The following GALNT14 variants were observed in gnomAD, a reference collection of about 807,000 sequenced individuals.
GALNT14 encodes polypeptide N-acetylgalactosaminyltransferase 14, also known as UDP-GalNAc:polypeptide N-acetylgalactosaminyltransferase 14.
GALNT14 carries 60 observed loss-of-function variants against 77.5 expected under a neutral mutation model. That is an observed-to-expected ratio of 0.77 (90% confidence interval 0.63 to 0.96). The LOEUF is 0.96. Ranked by LOEUF, GALNT14 falls within the 40% of genes least tolerant of loss-of-function variation. The pLI, the probability that GALNT14 is intolerant of heterozygous loss-of-function variation, is 0.00. For missense variants in GALNT14, 710 were observed against 731.0 expected, an observed-to-expected ratio of 0.97 and a Z score of 0.33; for synonymous variants, 280 against 281.7, an observed-to-expected ratio of 0.99 and a Z score of 0.06.
At chr2:31,103,600 G>A (rs1166941662) in intron 1 of GALNT14, among the ~76,000 whole-genome samples, 1 of 152,014 alleles carries the variant, frequency 6.6e-6, no homozygotes, top group Admixed American at 6.6e-5. Context: ...CTTTCTAAGT[G>A]TCTACCATTT....
At chr2:30,966,170 A>C in intron 3 of GALNT14, 34 bp downstream of exon 3, 8 of 1,557,190 alleles carry the variant, frequency 5.1e-6, no homozygotes, top group Non-Finnish European at 7.1e-6. Context: ...GTGCTGGCCC[A>C]GAGCTGGCCA....
At position 31,032,673 on chromosome 2, in the gene GALNT14, C is replaced by A. The variant is rs569373123; in HGVS notation, c.130-39666G>T. On this transcript the variant is annotated intron_variant, in intron 1 of 14. Coordinates refer to ENST00000349752, the MANE Select transcript of GALNT14 (RefSeq NM_024572.4). ...GAGATTATTTCCCAATCCCCACATA[C>A]CCCCTCTTTCCCAGCACAGGAAGTC... Among the ~76,000 whole-genome samples, 10 of 152,228 alleles carry A rather than the reference C, an allele frequency of 6.6e-5. No individual in the cohort carries two copies. The South Asian group carries it at 1.9e-3, about 28-fold the overall frequency.
chr2:30,963,445 T>C (rs937867551), intron 3 of GALNT14, among the ~76,000 whole-genome samples: 34 of 152,160 alleles, frequency 2.2e-4, no homozygotes, highest in Middle Eastern at 6.3e-3. Context: ...TTATTAAGTA[T>C]CATTAATACC....
In GALNT14 at chr2:31,071,546, GC is replaced by G. The variant is rs534403739; in HGVS notation, c.129+66411del. 3.5e-3 allele frequency among the ~76,000 whole-genome samples: 530 copies of G among 152,096 alleles called. 2 individuals carry two copies. The highest frequency in any genetic ancestry group is 4.4e-3 in the Non-Finnish European group (300 of 67,968). On this transcript the variant is annotated intron_variant, in intron 1 of 14. Transcript: ENST00000349752. The stretch of plus-strand genomic sequence containing the variant: ...AGACAGACAGGCAGGGCTCCACACA[GC>G]CAGACCCAAAGTGGTGGAGGCACTG...
chr2:30,968,727 A>G (rs1006092037), intron 2 of GALNT14, among the ~76,000 whole-genome samples: 2 of 152,262 alleles, frequency 1.3e-5, no homozygotes, highest in African/African-American at 4.8e-5. Context: ...CCTGACCCAC[A>G]GACACTGTGA....
At position 30,924,813 on chromosome 2, in the gene GALNT14, T is replaced by G; in HGVS notation, c.1162A>C (p.Arg388=). 6.2e-7 allele frequency: 1 copy of G among 1,613,796 alleles called. No homozygotes were observed. Among genetic ancestry groups the G allele is most frequent in the Non-Finnish European group, 8.5e-7 (1 of 1,179,940 alleles). The change falls in exon 12 of 15, where the codon AGA becomes CGA. Residue 388 remains arginine (R), a synonymous_variant. Transcript: ENST00000349752. The part of the protein sequence containing the change: ...LERPFGNVES[R]LDLRKNLRCQ... ...CGCAGATTCTTCCTCAGGTCCAATC[T>G]GCTCTCAACACTGGGGGCAACGGGG...
intron 1 of GALNT14, among the ~76,000 whole-genome samples, chr2:31,110,545 C>A (rs1677782768): frequency 6.6e-6 from 1 of 152,150 alleles, no homozygotes; most frequent in South Asian, 2.1e-4. Context: ...ACTTAGAGCA[C>A]TAGGGAAGAG....
At chr2:31,001,864 T>C (rs1215644337) in intron 1 of GALNT14, among the ~76,000 whole-genome samples, 1 of 151,614 alleles carries the variant, frequency 6.6e-6, no homozygotes, top group African/African-American at 2.4e-5. Flanking sequence ...AAATAAAATA[T>C]GGAATAAAAA....
At chr2:31,032,898 T>A (rs555089984) in intron 1 of GALNT14, among the ~76,000 whole-genome samples, 1 of 152,036 alleles carries the variant, frequency 6.6e-6, no homozygotes, top group Non-Finnish European at 1.5e-5. Context: ...GCTGGGAAGG[T>A]TGCATGCCAT....
intron 1 of GALNT14, among the ~76,000 whole-genome samples, chr2:31,124,339 A>G (rs1409836448): frequency 6.6e-6 from 1 of 152,154 alleles, no homozygotes; most frequent in Admixed American, 6.5e-5. Context: ...TTCTCTTTTG[A>G]GTCAAAGTGG....
intron 1 of GALNT14, among the ~76,000 whole-genome samples, chr2:31,037,003 T>C (rs556055373): frequency 2.0e-5 from 3 of 152,334 alleles, no homozygotes; most frequent in Admixed American, 2.0e-4. Flanking sequence ...TCTGTTGAAC[T>C]TCTTCTATAT....
intron 9 of GALNT14, among the ~76,000 whole-genome samples, chr2:30,933,018 T>C (rs1279478811): frequency 2.0e-5 from 3 of 152,038 alleles, no homozygotes; most frequent in African/African-American, 7.3e-5. Context: ...GTGGTGAGTG[T>C]ATTTCTCCCC....
At chr2:31,096,223 G>T (rs756562278) in intron 1 of GALNT14, among the ~76,000 whole-genome samples, 1 of 152,132 alleles carries the variant, frequency 6.6e-6, no homozygotes, top group African/African-American at 2.4e-5. Flanking sequence ...TTTAAGATCA[G>T]CTAACTAGCA....
rs1664327632 is a variant in GALNT14, at chr2:30,911,025, A to G, written c.1535T>C (p.Ile512Thr). Residue 512 changes from isoleucine (I) to threonine (T), a missense_variant, in exon 15 of 15, where the codon ATA becomes ACA. Physicochemically the swap from Ile to Thr is moderately conservative, Grantham distance 89. Transcript: ENST00000349752. ...WTKTGSHIEH[I>T]ASHLCLDTDM... The stretch of plus-strand genomic sequence containing the variant: ...TGTATCGAGGCAGAGGTGGGATGCT[A>G]TGTGCTCGATGTGGGAACCAGTTTT... The G allele has an allele frequency of 1.2e-6, 2 of 1,613,910 alleles. No individual in the cohort carries two copies. The highest frequency in any genetic ancestry group is 1.7e-6 in the Non-Finnish European group (2 of 1,179,980).
Position 31,138,181 on chromosome 2 carries a change from G to C in GALNT14, c.-95C>G. On this transcript the variant is annotated 5_prime_UTR_variant, in exon 1 of 15. Coordinates refer to ENST00000349752, the MANE Select transcript of GALNT14 (RefSeq NM_024572.4). ...GGGCAGGAGTCCTGGCGAGCGCCTC[G>C]CTCTGGGGAGCTCTAGACCCAGGAT... The C allele has an allele frequency of 6.8e-7, 1 of 1,478,870 alleles. No individual in the cohort carries two copies. Among genetic ancestry groups the C allele is most frequent in the Non-Finnish European group, 9.3e-7 (1 of 1,073,974 alleles). 91.6% of individuals were successfully genotyped at this position (1,478,870 alleles called of 1,614,324 possible).
chr2:30,945,663 T>C (rs1666648649), intron 7 of GALNT14, 120 bp downstream of exon 7: 3 of 776,622 alleles, frequency 3.9e-6, no homozygotes, highest in Middle Eastern at 2.5e-4. Flanking sequence ...ATAGTGCAGG[T>C]TGCAGGCTGA....
chr2:31,000,610 C>T (rs1670311210), intron 1 of GALNT14, among the ~76,000 whole-genome samples: 2 of 152,140 alleles, frequency 1.3e-5, no homozygotes, highest in African/African-American at 4.8e-5. Flanking sequence ...CAGTTGAAGT[C>T]CTAAGGTGGT....
chr2:31,067,576 G>A (rs1044099572), intron 1 of GALNT14, among the ~76,000 whole-genome samples: 2 of 152,148 alleles, frequency 1.3e-5, no homozygotes, highest in South Asian at 2.1e-4. Flanking sequence ...CTCTGCCCAT[G>A]GTAGCTCCAT....
At chr2:31,103,257 T>C (rs545909037) in intron 1 of GALNT14, among the ~76,000 whole-genome samples, 6 of 152,242 alleles carry the variant, frequency 3.9e-5, no homozygotes, top group Admixed American at 3.9e-4. Context: ...AGTGGTAACA[T>C]TCGTAATTAC....
Sources: allele counts gnomAD v4.1 joint callset (sites outside exome capture counted in the v4.1 genomes callset), GRCh38; gene constraint gnomAD v4.1.1; transcripts MANE v1.5; gene names NCBI Gene and HGNC (gene_info 2026-07-23, HGNC 2026-07-21).